The following PBK variants were observed in gnomAD, a reference collection of about 807,000 sequenced individuals.
PBK encodes lymphokine-activated killer T-cell-originated protein kinase.
PBK carries 22 observed loss-of-function variants against 33.5 expected under a neutral mutation model. The ratio of observed to expected loss-of-function variants is 0.66; its 90% CI spans 0.47 to 0.94. PBK has a LOEUF of 0.94. PBK is among the 40% of genes least tolerant of loss of function. The pLI is 0.00. For synonymous variants in PBK, 129 were observed against 123.8 expected, an observed-to-expected ratio of 1.04 and a Z score of -0.28; for missense variants, 376 against 383.4, an observed-to-expected ratio of 0.98 and a Z score of 0.16.
At chr8:27,830,748 G>C (rs1186158728) in intron 2 of PBK, among the ~76,000 whole-genome samples, 1 of 142,640 alleles carries the variant, frequency 7.0e-6, no homozygotes, top group Non-Finnish European at 1.5e-5. Flanking sequence ...GCCACATGTA[G>C]CTAATGGCAA....
At chr8:27,821,537 G>C (rs1294963281) in intron 5 of PBK, among the ~76,000 whole-genome samples, 1 of 152,158 alleles carries the variant, frequency 6.6e-6, no homozygotes, top group Non-Finnish European at 1.5e-5. Flanking sequence ...TGGGATTACA[G>C]GCGTGAGCCA....
intron 6 of PBK, among the ~76,000 whole-genome samples, chr8:27,817,910 G>A (rs974383836): frequency 6.6e-6 from 1 of 152,186 alleles, no homozygotes; most frequent in Non-Finnish European, 1.5e-5. Context: ...ATTGTCCAAT[G>A]TGGTAACCAT....
At chr8:27,811,942 A>G (rs1484561096) in intron 6 of PBK, 11 of 152,198 alleles carry the variant, frequency 7.2e-5, no homozygotes, top group African/African-American at 2.4e-4. Flanking sequence ...ATATACTGCT[A>G]ATACACAGAA....
chr8:27,824,154 A>G (rs1805983803), intron 3 of PBK, among the ~76,000 whole-genome samples: 1 of 152,142 alleles, frequency 6.6e-6, no homozygotes, highest in South Asian at 2.1e-4. Context: ...GATCTAAACT[A>G]TTCTTAAACC....
At chr8:27,822,843 CATA>C (rs1178764113) in intron 4 of PBK, among the ~76,000 whole-genome samples, 1 of 152,020 alleles carries the variant, frequency 6.6e-6, no homozygotes, top group African/African-American at 2.4e-5. Flanking sequence ...GAACTAGCAA[CATA>C]ATTATTATAT....
Position 27,810,462 on chromosome 8 carries a change from T to C in PBK, c.812A>G (p.Tyr271Cys), listed in dbSNP as rs1223455301. 3.1e-6 allele frequency: 5 copies of C among 1,606,464 alleles called. No homozygotes were observed. The highest frequency in any genetic ancestry group is 4.3e-6 in the Non-Finnish European group (5 of 1,175,186). ...TGGCCTAGTTCCCAACGCTGCATAG[T>C]ATGCTTCATCATCAAAATCACTTTC... ...FDESDFDDEA[Y>C]YAALGTRPPI... Residue 271 changes from tyrosine to cysteine, a missense_variant, in exon 8 of 8, where the codon TAC (tyrosine) becomes TGC (cysteine). By Grantham distance (194) the Tyr-to-Cys change is radical. Transcript: ENST00000301905.
At chr8:27,821,628 T>C (rs1000382349) in intron 5 of PBK, among the ~76,000 whole-genome samples, 1 of 152,194 alleles carries the variant, frequency 6.6e-6, no homozygotes, top group Non-Finnish European at 1.5e-5. Context: ...TACTTATAAA[T>C]TGGTTAACTT....
intron 3 of PBK, among the ~76,000 whole-genome samples, chr8:27,826,543 G>GAAGCTTTTTGACTAAACCA (rs1166437147): frequency 1.4e-5 from 2 of 146,336 alleles, no homozygotes; most frequent in African/African-American, 2.6e-5. Context: ...TCAGCTATTT[G>GAAGCTTTTTGACTAAACCA]CCCAGCACTT....
At chr8:27,836,360 TCA>T (rs1806228361) in intron 1 of PBK, among the ~76,000 whole-genome samples, 1 of 151,858 alleles carries the variant, frequency 6.6e-6, no homozygotes, top group East Asian at 1.9e-4. Context: ...TCAACTGTAG[TCA>T]CAGTCAAGAT....
At position 27,810,293 on chromosome 8, in the gene PBK, C is replaced by T; in HGVS notation, c.*12G>A. 1.3e-6 allele frequency: 2 copies of T among 1,582,238 alleles called. No homozygotes were observed. Among genetic ancestry groups the T allele is most frequent in the Non-Finnish European group, 1.7e-6 (2 of 1,152,400 alleles). ...GTTATTTACGCAAGCCACACTTCAG[C>T]TGAGATGATCACTAGACATCTGTTT... On this transcript the variant is annotated 3_prime_UTR_variant, in exon 8 of 8. Coordinates refer to ENST00000301905, the MANE Select transcript of PBK (RefSeq NM_018492.4).
At chr8:27,813,087 G>A (rs1805727095) in intron 6 of PBK, among the ~76,000 whole-genome samples, 1 of 152,150 alleles carries the variant, frequency 6.6e-6, no homozygotes, top group African/African-American at 2.4e-5. Flanking sequence ...GTCCGTCAAT[G>A]ACTGGATTAA....
intron 3 of PBK, among the ~76,000 whole-genome samples, chr8:27,827,646 G>A (rs1020598345): frequency 6.6e-6 from 1 of 152,084 alleles, no homozygotes; most frequent in African/African-American, 2.4e-5. Context: ...TTAAAATCAT[G>A]TATTTACCCT....
intron 2 of PBK, among the ~76,000 whole-genome samples, chr8:27,831,192 A>C (rs1806122510): frequency 6.6e-6 from 1 of 152,066 alleles, no homozygotes; most frequent in African/African-American, 2.4e-5. Context: ...GTCTCTACTG[A>C]AAATACAAAA....
intron 1 of PBK, among the ~76,000 whole-genome samples, chr8:27,834,191 C>T (rs979471975): frequency 2.0e-5 from 3 of 152,038 alleles, no homozygotes; most frequent in African/African-American, 7.2e-5. Context: ...CCACACCTGG[C>T]TAATTTTTAT....
intron 1 of PBK, among the ~76,000 whole-genome samples, chr8:27,834,579 T>C (rs1806192053): frequency 6.6e-6 from 1 of 152,170 alleles, no homozygotes; most frequent in African/African-American, 2.4e-5. Flanking sequence ...TCTCAATAAA[T>C]GGTTATAAAA....
intron 3 of PBK, among the ~76,000 whole-genome samples, chr8:27,826,653 G>T (rs1403126004): frequency 5.4e-5 from 7 of 128,622 alleles, no homozygotes; most frequent in Non-Finnish European, 3.2e-5. Context: ...AAAATTAGCC[G>T]GGCGTGGTGG....
Position 27,816,343 on chromosome 8 carries a change from CTA to C in PBK, c.595+4220_595+4221del, listed in dbSNP as rs767822258. On this transcript the variant is annotated intron_variant, in intron 6 of 7. Transcript: ENST00000301905. Reference sequence around the variant, plus strand: ...TAAGATTTTGGCTTTTCATCGAATACTATATATATATATATTTATTTATTTAT... The same window carrying C: ...TAAGATTTTGGCTTTTCATCGAATACTATATATATATATTTATTTATTTAT... Among the ~76,000 whole-genome samples the C allele has an allele frequency of 3.4e-4, 47 of 136,344 alleles. 1 individual carries two copies. Among genetic ancestry groups the C allele is most frequent in the African/African-American group, 1.1e-3 (39 of 34,250 alleles). 89.4% of individuals were successfully genotyped at this position (136,344 alleles called of 152,430 possible). A position where few individuals can be genotyped will look rare whatever the true frequency, so the allele number is the denominator to read the frequency against.
At chr8:27,819,658 G>A (rs1431446143) in intron 6 of PBK, among the ~76,000 whole-genome samples, 2 of 151,968 alleles carry the variant, frequency 1.3e-5, no homozygotes, top group Non-Finnish European at 2.9e-5. Context: ...TGGTGCAGAG[G>A]TACTTGCCTT....
chr8:27,832,819 G>A (rs537316079), intron 2 of PBK, among the ~76,000 whole-genome samples: 1 of 152,164 alleles, frequency 6.6e-6, no homozygotes, highest in East Asian at 1.9e-4. Flanking sequence ...GTCAAGCTAA[G>A]TTGATTCTTG....
Sources: allele counts gnomAD v4.1 joint callset (sites outside exome capture counted in the v4.1 genomes callset), GRCh38; gene constraint gnomAD v4.1.1; transcripts MANE v1.5; gene names NCBI Gene and HGNC (gene_info 2026-07-23, HGNC 2026-07-21).